The following DNM3 variants were observed in gnomAD, a reference collection of about 807,000 sequenced individuals.
DNM3 encodes dynamin-3.
In DNM3, 47 loss-of-function variants were observed where a neutral mutation model predicts 101.6. The observed-to-expected ratio is 0.46, with a 90% CI of 0.37 to 0.59. The LOEUF is 0.59. DNM3 is among the 20% of genes least tolerant of loss of function. The pLI, the probability that DNM3 is intolerant of heterozygous loss-of-function variation, is 0.00. For synonymous variants in DNM3, 385 were observed against 387.9 expected, an observed-to-expected ratio of 0.99 and a Z score of 0.09; for missense variants, 849 against 1,085.7, an observed-to-expected ratio of 0.78 and a Z score of 3.06.
At chr1:172,279,305 T>C (rs946980605) in intron 15 of DNM3, among the ~76,000 whole-genome samples, 1 of 152,194 alleles carries the variant, frequency 6.6e-6, no homozygotes, top group Non-Finnish European at 1.5e-5. Context: ...GGGTCTCTTA[T>C]GTCTATACAT....
intron 13 of DNM3, among the ~76,000 whole-genome samples, chr1:172,121,228 G>T (rs764534955): frequency 6.6e-6 from 1 of 152,152 alleles, no homozygotes; most frequent in Non-Finnish European, 1.5e-5. Flanking sequence ...AAAAAAACTA[G>T]AGCCCTGATT....
intron 14 of DNM3, among the ~76,000 whole-genome samples, chr1:172,147,973 G>T (rs1380237274): frequency 6.6e-6 from 1 of 151,912 alleles, no homozygotes; most frequent in Non-Finnish European, 1.5e-5. Context: ...TAATCCTATA[G>T]TGTAGCTATT....
At chr1:172,027,015 T>A (rs2048252428) in intron 4 of DNM3, among the ~76,000 whole-genome samples, 1 of 152,068 alleles carries the variant, frequency 6.6e-6, no homozygotes, top group Non-Finnish European at 1.5e-5. Flanking sequence ...GAAGGAGAAA[T>A]AAAATCCTTT....
At chr1:172,096,052 G>C (rs1178619167) in intron 13 of DNM3, among the ~76,000 whole-genome samples, 3 of 152,152 alleles carry the variant, frequency 2.0e-5, no homozygotes, top group African/African-American at 7.2e-5. Flanking sequence ...ATGATGGTAA[G>C]TAAGCAAACT....
chr1:172,407,010 G>C (rs992032033), intron 20 of DNM3, among the ~76,000 whole-genome samples: 1 of 151,768 alleles, frequency 6.6e-6, no homozygotes. Flanking sequence ...AGAAGCTTGA[G>C]GAATAAATAA....
At chr1:172,196,378 G>T (rs751385713) in intron 14 of DNM3, among the ~76,000 whole-genome samples, 1 of 152,044 alleles carries the variant, frequency 6.6e-6, no homozygotes, top group Non-Finnish European at 1.5e-5. Flanking sequence ...TTGAGTGCAT[G>T]TGTCTTTATG....
intron 15 of DNM3, among the ~76,000 whole-genome samples, chr1:172,282,843 A>G (rs151211508): frequency 2.1e-3 from 326 of 152,316 alleles, no homozygotes; most frequent in Admixed American, 4.0e-3. Flanking sequence ...GTTCCTCATA[A>G]GAGAAGAAAA....
At chr1:172,062,426 T>C (rs143802101) in intron 10 of DNM3, among the ~76,000 whole-genome samples, 41 of 152,344 alleles carry the variant, frequency 2.7e-4, no homozygotes, top group African/African-American at 8.9e-4. Flanking sequence ...GTTTCTTAGG[T>C]GAGGACTTTT....
chr1:171,892,109 C>T (rs2037335903), intron 1 of DNM3, among the ~76,000 whole-genome samples: 8 of 152,060 alleles, frequency 5.3e-5, no homozygotes, highest in Admixed American at 5.2e-4. Flanking sequence ...TCAAACTGTT[C>T]CCGTGGGAGC....
intron 1 of DNM3, among the ~76,000 whole-genome samples, chr1:171,857,104 C>T (rs1359354626): frequency 1.3e-5 from 2 of 151,910 alleles, no homozygotes; most frequent in African/African-American, 4.8e-5. Context: ...TGGAGGATTG[C>T]TAAGATGAGG....
At chr1:172,113,073 G>GATACCCACTGAATGT (rs2055600641) in intron 13 of DNM3, among the ~76,000 whole-genome samples, 1 of 152,082 alleles carries the variant, frequency 6.6e-6, no homozygotes, top group Non-Finnish European at 1.5e-5. Context: ...ACTGAATGTG[G>GATACCCACTGAATGT]GGTATTTACT....
intron 15 of DNM3, among the ~76,000 whole-genome samples, chr1:172,300,835 G>A (rs2064411935): frequency 6.6e-6 from 1 of 152,202 alleles, no homozygotes; most frequent in Non-Finnish European, 1.5e-5. Flanking sequence ...GTAGTAAAAT[G>A]GAAGACAGGT....
intron 7 of DNM3, 58 bp from the exon 8 acceptor site, chr1:172,041,951 T>C: frequency 2.7e-6 from 4 of 1,496,050 alleles, no homozygotes; most frequent in Non-Finnish European, 3.6e-6. Flanking sequence ...GAAAAGAAAA[T>C]GAAGAGTGCA....
At chr1:172,291,810 T>C (rs943345297) in intron 15 of DNM3, among the ~76,000 whole-genome samples, 1 of 152,170 alleles carries the variant, frequency 6.6e-6, no homozygotes, top group Non-Finnish European at 1.5e-5. Flanking sequence ...ATACAGGGTC[T>C]GAGTAAGAAA....
intron 17 of DNM3, among the ~76,000 whole-genome samples, chr1:172,350,135 A>G (rs2067130842): frequency 6.6e-6 from 1 of 152,208 alleles, no homozygotes; most frequent in African/African-American, 2.4e-5. Context: ...AGGCATATAC[A>G]TATATATCCT....
intron 4 of DNM3, among the ~76,000 whole-genome samples, chr1:172,020,440 A>C (rs2047752946): frequency 1.3e-5 from 2 of 151,850 alleles, no homozygotes; most frequent in Non-Finnish European, 2.9e-5. Flanking sequence ...AACAGAATGG[A>C]CCCCGCGCGG....
At chr1:172,317,373 A>G (rs2148897184) in intron 16 of DNM3, among the ~76,000 whole-genome samples, 1 of 152,238 alleles carries the variant, frequency 6.6e-6, no homozygotes, top group South Asian at 2.1e-4. Context: ...GCAGAAGGCA[A>G]GAAATAACTA....
intron 10 of DNM3, among the ~76,000 whole-genome samples, chr1:172,067,662 C>T (rs2051797907): frequency 6.6e-6 from 1 of 152,182 alleles, no homozygotes; most frequent in Non-Finnish European, 1.5e-5. Context: ...GCTCCTTAAA[C>T]ATTTTCATAG....
chr1:172,144,908 G>A (rs1015335425), intron 14 of DNM3: 7 of 188,092 alleles, frequency 3.7e-5, no homozygotes, highest in Middle Eastern at 2.0e-3. Flanking sequence ...GCGCTGTGCC[G>A]CTGGAGAGAC....
Sources: allele counts gnomAD v4.1 joint callset (sites outside exome capture counted in the v4.1 genomes callset), GRCh38; gene constraint gnomAD v4.1.1; transcripts MANE v1.5; gene names NCBI Gene and HGNC (gene_info 2026-07-23, HGNC 2026-07-21).